CSTPP1: variants seen among roughly 807,000 people sequenced by gnomAD.
The protein encoded by CSTPP1 is UPF0705 protein C11orf49.
chr11:47,038,000 A>C, the CSTPP1 span, among the ~76,000 whole-genome samples: 1 of 110,820 alleles, frequency 9.0e-6, no homozygotes, highest in African/African-American at 2.8e-5. Flanking sequence ...TCCCTCCTGG[A>C]CGGGGCGGCT....
the CSTPP1 span, among the ~76,000 whole-genome samples, chr11:46,937,868 T>C: frequency 6.6e-6 from 1 of 151,184 alleles, no homozygotes; most frequent in Non-Finnish European, 1.5e-5. Flanking sequence ...TCATAGACTT[T>C]TATTTTTTTA....
At chr11:46,970,376 A>C in the CSTPP1 span, among the ~76,000 whole-genome samples, 1 of 151,252 alleles carries the variant, frequency 6.6e-6, no homozygotes, top group Non-Finnish European at 1.5e-5. Context: ...CACATTGTGC[A>C]CATGTACCCT....
chr11:47,102,893 T>G, the CSTPP1 span, among the ~76,000 whole-genome samples: 1 of 151,392 alleles, frequency 6.6e-6, no homozygotes, highest in Admixed American at 6.6e-5. Flanking sequence ...AAAATGTGGT[T>G]AAGCCTTTAA....
At chr11:47,161,443 C>T in the CSTPP1 span, 1 of 1,612,974 alleles carries the variant, frequency 6.2e-7, no homozygotes, top group Non-Finnish European at 8.5e-7. Context: ...CGCTGCCCTC[C>T]AGGCTTCTTC....
the CSTPP1 span, among the ~76,000 whole-genome samples, chr11:46,941,377 T>A: frequency 6.6e-6 from 1 of 152,148 alleles, no homozygotes; most frequent in African/African-American, 2.4e-5. Context: ...TCTCGCTCTG[T>A]CACCCAGGCT....
the CSTPP1 span, among the ~76,000 whole-genome samples, chr11:47,122,302 T>C: frequency 3.3e-5 from 5 of 151,182 alleles, no homozygotes; most frequent in East Asian, 3.9e-4. Context: ...TCCAAAAACA[T>C]AGAATTATAA....
the CSTPP1 span, chr11:47,161,186 C>T: frequency 3.2e-5 from 51 of 1,614,104 alleles, no homozygotes; most frequent in Middle Eastern, 1.6e-4. Context: ...AGAGCTGGAA[C>T]GGCTGTAAGT....
At chr11:46,967,336 G>A in the CSTPP1 span, among the ~76,000 whole-genome samples, 1 of 152,096 alleles carries the variant, frequency 6.6e-6, no homozygotes, top group Admixed American at 6.6e-5. Context: ...TTTCTCCAAT[G>A]AATTGCCTTG....
the CSTPP1 span, among the ~76,000 whole-genome samples, chr11:46,992,637 T>C: frequency 3.3e-5 from 5 of 152,136 alleles, no homozygotes; most frequent in African/African-American, 9.7e-5. Context: ...CAGTCTATCA[T>C]TGATGGACAT....
the CSTPP1 span, among the ~76,000 whole-genome samples, chr11:47,095,101 T>C: frequency 6.6e-6 from 1 of 152,206 alleles, no homozygotes; most frequent in African/African-American, 2.4e-5. Context: ...AGCAATGGCA[T>C]GGCCCAGGAG....
chr11:46,968,061 A>G, the CSTPP1 span, among the ~76,000 whole-genome samples: 1 of 151,170 alleles, frequency 6.6e-6, no homozygotes, highest in East Asian at 1.9e-4. Context: ...GGGTCAGAAC[A>G]GAGGAGACTT....
the CSTPP1 span, among the ~76,000 whole-genome samples, chr11:47,163,049 C>T: frequency 6.6e-6 from 1 of 151,972 alleles, no homozygotes; most frequent in African/African-American, 2.4e-5. Context: ...GTAGCTTGCA[C>T]CTGTAGTCCC....
chr11:46,938,269 T>C, the CSTPP1 span, among the ~76,000 whole-genome samples: 1 of 151,372 alleles, frequency 6.6e-6, no homozygotes, highest in South Asian at 2.1e-4. Flanking sequence ...ATTATTTACA[T>C]CTTGCATTAG....
chr11:46,953,616 A>T, the CSTPP1 span, among the ~76,000 whole-genome samples: 2 of 152,210 alleles, frequency 1.3e-5, no homozygotes, highest in African/African-American at 4.8e-5. Flanking sequence ...AAAATTTATC[A>T]ACCCTAAAGT....
chr11:47,155,149 C>A, the CSTPP1 span: 1 of 1,578,140 alleles, frequency 6.3e-7, no homozygotes, highest in Non-Finnish European at 8.7e-7. Context: ...CCCATTCTCT[C>A]TCTCAGATTC....
the CSTPP1 span, among the ~76,000 whole-genome samples, chr11:46,949,104 T>C: frequency 6.6e-6 from 1 of 151,796 alleles, no homozygotes; most frequent in African/African-American, 2.4e-5. Context: ...TGGAGTTCCT[T>C]ATAGGGAAGG....
At chr11:47,001,056 G>A in the CSTPP1 span, among the ~76,000 whole-genome samples, 2 of 152,218 alleles carry the variant, frequency 1.3e-5, no homozygotes, top group Non-Finnish European at 2.9e-5. Context: ...TGGAAGAGAT[G>A]ACGATTGAGA....
chr11:47,111,413 G>A, the CSTPP1 span, among the ~76,000 whole-genome samples: 1 of 152,118 alleles, frequency 6.6e-6, no homozygotes, highest in East Asian at 1.9e-4. Flanking sequence ...GTGGTTTGTA[G>A]TCATTTTCAT....
the CSTPP1 span, among the ~76,000 whole-genome samples, chr11:46,939,248 G>A: frequency 1.7e-4 from 25 of 151,352 alleles, no homozygotes; most frequent in African/African-American, 4.6e-4. Flanking sequence ...GCGCCACCAC[G>A]CCTGGCTAAT....
Sources: gnomAD v4.1 joint callset for allele counts (sites outside exome capture counted in the v4.1 genomes callset) on GRCh38, gnomAD v4.1.1 for gene constraint, MANE v1.5 for transcripts, NCBI Gene and HGNC (gene_info 2026-07-23, HGNC 2026-07-21) for gene names.